Variants in PPA1 observed in about 807,000 individuals in gnomAD.
PPA1 encodes inorganic pyrophosphatase 1, also known as inorganic pyrophosphatase.
In PPA1, 23 loss-of-function variants were observed where a neutral mutation model predicts 41.8. The ratio of observed to expected loss-of-function variants is 0.55; its 90% confidence interval spans 0.40 to 0.78. The LOEUF (loss-of-function observed/expected upper bound fraction) is 0.78, where lower values mean the gene tolerates loss of function less well. PPA1 is among the 30% of genes least tolerant of loss of function. The pLI, the probability that PPA1 is intolerant of heterozygous loss-of-function variation, is 0.00. For missense variants in PPA1, 320 were observed against 361.6 expected (o/e 0.89, Z 0.93); for synonymous variants, 101 against 116.8 (o/e 0.86, Z 0.87).
intron 9 of PPA1, chr10:70,205,482 T>C (rs1195805235): frequency 2.0e-5 from 3 of 152,166 alleles, no homozygotes; most frequent in African/African-American, 7.2e-5. Flanking sequence ...AACAATTTTA[T>C]ATATACACAC....
At chr10:70,209,064 A>T in intron 8 of PPA1, 141 bp downstream of exon 8, 1 of 552,268 alleles carries the variant, frequency 1.8e-6, no homozygotes, top group Non-Finnish European at 3.1e-6. Context: ...AAAGTGCTGG[A>T]ATGACAGGTG....
intron 4 of PPA1, among the ~76,000 whole-genome samples, chr10:70,217,072 C>T (rs1440444869): frequency 1.3e-5 from 2 of 151,918 alleles, no homozygotes; most frequent in East Asian, 1.9e-4. Flanking sequence ...AGGAGAATGG[C>T]GTGAACCTGG....
At position 70,230,138 on chromosome 10, in the gene PPA1, G is replaced by T. The variant is rs993623109; in HGVS notation, c.123+203C>A. On this transcript the variant is annotated intron_variant, in intron 2 of 10. Transcript: ENST00000373232. ...TGCCCAGGCTGTTCTTGAACTTCTG[G>T]ACTCAAGCCCTCCACCCGCCTCAGC... Among the ~76,000 whole-genome samples the T allele has an allele frequency of 4.6e-5, 7 of 152,032 alleles. No individual in the cohort carries two copies. The South Asian group carries it at 8.3e-4, about 18-fold the overall frequency.
chr10:70,207,700 A>G (rs1839961952), intron 8 of PPA1, among the ~76,000 whole-genome samples: 1 of 152,166 alleles, frequency 6.6e-6, no homozygotes, highest in South Asian at 2.1e-4. Context: ...TGCTTATTAC[A>G]TAGTGTTAAA....
chr10:70,213,638 A>C, intron 5 of PPA1, 49 bp from the exon 6 acceptor site: 1 of 1,563,948 alleles, frequency 6.4e-7, no homozygotes. Flanking sequence ...ACCACACTCT[A>C]GAAGACAGTT....
intron 8 of PPA1, among the ~76,000 whole-genome samples, chr10:70,208,168 C>T (rs1392533901): frequency 6.6e-6 from 1 of 152,098 alleles, no homozygotes; most frequent in East Asian, 1.9e-4. Context: ...CCAGCCTGGG[C>T]AACAAGAGCA....
intron 2 of PPA1, among the ~76,000 whole-genome samples, chr10:70,224,313 G>A (rs943328666): frequency 4.1e-5 from 6 of 148,010 alleles, no homozygotes; most frequent in Non-Finnish European, 7.4e-5. Flanking sequence ...AAGTAGTCAA[G>A]ATGTTACAAC....
chr10:70,208,746 G>C (rs1206032458), intron 8 of PPA1, among the ~76,000 whole-genome samples: 1 of 151,484 alleles, frequency 6.6e-6, no homozygotes, highest in Non-Finnish European at 1.5e-5. Flanking sequence ...ACACAGAATA[G>C]AAGATTTCTG....
intron 3 of PPA1, among the ~76,000 whole-genome samples, 177 bp from the exon 4 acceptor site, chr10:70,218,108 A>G (rs958586395): frequency 1.3e-5 from 2 of 152,208 alleles, no homozygotes; most frequent in Admixed American, 6.6e-5. Context: ...ATTAAGTGAA[A>G]GGTTATGTGA....
intron 2 of PPA1, among the ~76,000 whole-genome samples, chr10:70,224,179 G>A (rs777388633): frequency 7.4e-5 from 2 of 26,862 alleles, no homozygotes; most frequent in Non-Finnish European, 1.9e-4. Flanking sequence ...GGGAGGCTGA[G>A]GCAAGAGGAT....
rs1840275850 is a variant in PPA1 at position 70,230,280 on chromosome 10, T to A, written c.123+61A>T. The A allele has an allele frequency of 1.9e-6, 3 of 1,563,236 alleles. No individual in the cohort carries two copies. In the Admixed American group the frequency reaches 5.3e-5, roughly 28 times the overall value. On this transcript the variant is annotated intron_variant, in intron 2 of 10. Coordinates refer to ENST00000373232, the MANE Select transcript of PPA1 (RefSeq NM_021129.4). The stretch of plus-strand genomic sequence containing the variant: ...CTTGTTGAGAGACATATAAGAAAAT[T>A]CATATGTAGAACTAGCTGATCTGAG...
chr10:70,206,848 GGAGGAGAGGAGAGGA>G (rs767618969), intron 8 of PPA1, among the ~76,000 whole-genome samples: 21 of 102,174 alleles, frequency 2.1e-4, no homozygotes, highest in African/African-American at 9.0e-4. Context: ...GTTGCAATAA[GGAGGAGAGGAGAGGA>G]GAGGAGGGGA....
rs1474536983 is a variant in PPA1 at position 70,222,280 on chromosome 10, G to GA, written c.124-3464dup. The stretch of plus-strand genomic sequence containing the variant: ...GAACCTGGGAGGCGGAGGTTGCAGT[G>GA]AACTGAGATCACACCACTGCACTCC... On this transcript the variant is annotated intron_variant, in intron 2 of 10. Transcript: ENST00000373232. Among the ~76,000 whole-genome samples the GA allele has an allele frequency of 3.9e-5, 5 of 129,532 alleles. 2 individuals carry two copies. In the Admixed American group the frequency reaches 4.9e-4, roughly 13 times the overall value. 85.0% of individuals were successfully genotyped at this position (129,532 alleles called of 152,430 possible).
intron 8 of PPA1, among the ~76,000 whole-genome samples, chr10:70,207,922 G>A (rs569060331): frequency 2.7e-4 from 27 of 99,852 alleles, no homozygotes; most frequent in Admixed American, 9.1e-4. Flanking sequence ...GCCGGGTGTG[G>A]TGGCTCACGC....
At chr10:70,224,592 G>A (rs770130576) in intron 2 of PPA1, among the ~76,000 whole-genome samples, 33 of 152,218 alleles carry the variant, frequency 2.2e-4, no homozygotes, top group Middle Eastern at 3.4e-3. Context: ...AATAGGCTAC[G>A]GCCATTTGGT....
At chr10:70,229,763 C>T (rs1840268327) in intron 2 of PPA1, among the ~76,000 whole-genome samples, 2 of 152,016 alleles carry the variant, frequency 1.3e-5, no homozygotes, top group African/African-American at 2.4e-5. Context: ...GTTCCAAATA[C>T]ACATACAAAA....
intron 1 of PPA1, 35 bp downstream of exon 1, chr10:70,233,229 C>A (rs1173475161): frequency 5.2e-6 from 8 of 1,524,538 alleles, no homozygotes; most frequent in Non-Finnish European, 7.0e-6. Flanking sequence ...AATGGGCGGA[C>A]GGGCGCGGAG....
chr10:70,224,727 ATTTAT>A (rs151001162), intron 2 of PPA1, among the ~76,000 whole-genome samples: 22,313 of 151,832 alleles, frequency 0.15, 2,301 homozygotes, highest in African/African-American at 0.28. Context: ...TTTCTTATTT[ATTTAT>A]TTTATTTTAT....
intron 3 of PPA1, 195 bp downstream of exon 3, chr10:70,218,569 C>A: frequency 1.9e-6 from 1 of 540,278 alleles, no homozygotes; most frequent in South Asian, 2.5e-5. Flanking sequence ...AAGTTTGGGG[C>A]ATATTTGTAA....
Sources: gnomAD v4.1 joint callset for allele counts (sites outside exome capture counted in the v4.1 genomes callset) on GRCh38, gnomAD v4.1.1 for gene constraint, MANE v1.5 for transcripts, NCBI Gene and HGNC (gene_info 2026-07-23, HGNC 2026-07-21) for gene names.